COLQ: variants seen among roughly 807,000 people sequenced by gnomAD.
COLQ encodes the protein acetylcholinesterase collagenic tail peptide.
In COLQ, 48 loss-of-function variants were observed where a neutral mutation model predicts 69.0. The ratio of observed to expected loss-of-function variants is 0.70; its 90% CI spans 0.55 to 0.88. The LOEUF (loss-of-function observed/expected upper bound fraction) is 0.88. Ranked by LOEUF, COLQ falls within the 40% of genes least tolerant of loss-of-function variation. The pLI is 0.00. For missense variants in COLQ, 618 were observed against 594.6 expected, an observed-to-expected ratio of 1.04 and a Z score of -0.41; for synonymous variants, 217 against 211.2, an observed-to-expected ratio of 1.03 and a Z score of -0.24.
chr3:15,505,940 A>AC lies in COLQ; in HGVS notation c.106+15579dup, dbSNP rs200872766. ...TTCCTTTCCCTAGATCCATCCCTGC[A>AC]CCCCCCATCCCACCTCCAGGATCTA... On this transcript the variant is annotated intron_variant, in intron 1 of 16. Transcript: ENST00000383788. 7.7e-3 allele frequency among the ~76,000 whole-genome samples: 1,164 copies of AC among 151,742 alleles called. 21 individuals are homozygous for AC. The highest frequency in any genetic ancestry group is 0.026 in the African/African-American group (1,071 of 41,342).
At chr3:15,489,381 A>G (rs578027055) in intron 2 of COLQ, 144 bp downstream of exon 2, 2 of 762,428 alleles carry the variant, frequency 2.6e-6, no homozygotes, top group South Asian at 1.5e-5. Flanking sequence ...CCGGGGCTCA[A>G]CTTCTGGGTG....
rs534619567 is a variant in COLQ, at chr3:15,497,429, C to T, written c.107-7792G>A. 5.3e-5 allele frequency among the ~76,000 whole-genome samples: 8 copies of T among 152,304 alleles called. No individual in the cohort carries two copies. The East Asian group carries it at 7.7e-4, about 15-fold the overall frequency. ...CTACCCTCTTGCAAGGCCAGCCCCA[C>T]AATAGGTTACTGGAAATAGCCATTT... On this transcript the variant is annotated intron_variant, in intron 1 of 16. Transcript: ENST00000383788.
At chr3:15,479,235 GCACATGTTTGGAAAT>G in intron 4 of COLQ, 88 bp downstream of exon 4, 3 of 1,300,652 alleles carry the variant, frequency 2.3e-6, no homozygotes, top group Non-Finnish European at 3.4e-6. Flanking sequence ...GGCAGAGTTA[GCACATGTTTGGAAAT>G]CTCAACTAGG....
chr3:15,459,770 C>T (rs936555229), intron 12 of COLQ, among the ~76,000 whole-genome samples: 8 of 150,882 alleles, frequency 5.3e-5, no homozygotes, highest in African/African-American at 9.8e-5. Context: ...TGAGCTGCCG[C>T]GCCTGGTCAG....
In COLQ at chr3:15,478,788, T is replaced by A. The variant is rs183145868; in HGVS notation, c.393+189A>T. On this transcript the variant is annotated intron_variant, in intron 5 of 16. Coordinates refer to ENST00000383788, the MANE Select transcript of COLQ (RefSeq NM_005677.4). ...ATGCCTGGCAGTAGCAGGCTCCTGC[T>A]CCTGAACAAAGAAGTTGACAGAAAG... is the stretch of plus-strand genomic sequence containing the variant. 5.7e-4 allele frequency: 412 copies of A among 717,614 alleles called. 3 individuals are homozygous for A. The East Asian group carries it at 0.011, about 18-fold the overall frequency. 44.5% of individuals were successfully genotyped at this position (717,614 alleles called of 1,614,324 possible).
In COLQ at chr3:15,479,007, T is replaced by C; in HGVS notation, c.367-4A>G. ...TTCCTGGTCGGCCAAGCTCCCCCTA[T>C]GGATGGAGAAGACAGGTAAGGAGAG... On this transcript the variant is annotated splice_region_variant and splice_polypyrimidine_tract_variant and intron_variant, in intron 4 of 16. Coordinates refer to ENST00000383788, the MANE Select transcript of COLQ (RefSeq NM_005677.4). 2 of 1,614,076 alleles carry C rather than the reference T, an allele frequency of 1.2e-6. No homozygotes were observed. Among genetic ancestry groups the C allele is most frequent in the East Asian group, 2.2e-5 (1 of 44,882 alleles).
chr3:15,478,523 G>A (rs1363807821), intron 5 of COLQ: 4 of 236,314 alleles, frequency 1.7e-5, no homozygotes, highest in East Asian at 1.0e-4. Context: ...CAGAGTCACC[G>A]TGACCTTAAG....
intron 11 of COLQ, chr3:15,467,750 C>T (rs1229316955): frequency 2.4e-6 from 1 of 413,872 alleles, no homozygotes; most frequent in African/African-American, 2.0e-5. Context: ...ACACTTGCGC[C>T]TTGGCAGGCT....
chr3:15,514,741 A>G lies in COLQ; in HGVS notation c.106+6779T>C, dbSNP rs562043592. Among the ~76,000 whole-genome samples, 3 of 152,164 alleles carry G rather than the reference A, an allele frequency of 2.0e-5. No individual in the cohort carries two copies. In the South Asian group the frequency reaches 6.2e-4, roughly 32 times the overall value. ...CAGGGCTCCTGGTCCCAGAGACCAG[A>G]GTCACATGCCCAGAGGGGGCTAGAG... On this transcript the variant is annotated intron_variant, in intron 1 of 16. Transcript: ENST00000383788.
chr3:15,518,915 T>C (rs1254034184), intron 1 of COLQ, among the ~76,000 whole-genome samples: 3 of 152,220 alleles, frequency 2.0e-5, no homozygotes, highest in Non-Finnish European at 4.4e-5. Context: ...TGGTTGCCCT[T>C]ATTTTCTGTG....
At chr3:15,485,722 C>T (rs111277368) in intron 3 of COLQ, among the ~76,000 whole-genome samples, 13 of 152,256 alleles carry the variant, frequency 8.5e-5, no homozygotes, top group African/African-American at 3.1e-4. Context: ...CTTTGGGAGG[C>T]CAATGTGGGA....
chr3:15,484,181 G>A (rs533183080), intron 3 of COLQ, among the ~76,000 whole-genome samples: 8 of 107,718 alleles, frequency 7.4e-5, no homozygotes, highest in Admixed American at 2.3e-4. Flanking sequence ...GCCAGTCTGT[G>A]TTTTTTAACT....
At chr3:15,456,365 C>T (rs1038736084) in intron 14 of COLQ, 95 bp downstream of exon 14, 4 of 1,554,868 alleles carry the variant, frequency 2.6e-6, no homozygotes, top group Non-Finnish European at 3.5e-6. Context: ...GTAGAAAGCC[C>T]TCCCCAGGCC....
rs1414258523 is a variant in COLQ at position 15,453,836 on chromosome 3, G to A, written c.1291C>T (p.Leu431Phe). The part of the protein sequence containing the change: ...DFGYLTCETY[L>F]PGSYGDLQCT... ...GAGGGGAGTCATCCCTACCCAGGGA[G>A]ATAGGTCTCGCATGTCAGGTAGCCA... The change falls in exon 16 of 17, where the codon CTC becomes TTC. Residue 431 changes from leucine to phenylalanine, a missense_variant. By Grantham distance (22) the Leu-to-Phe change is conservative. Transcript: ENST00000383788. 1 of 1,607,904 alleles carries A rather than the reference G, an allele frequency of 6.2e-7. No individual in the cohort carries two copies. The highest frequency in any genetic ancestry group is 1.7e-5 in the Admixed American group (1 of 59,696).
At chr3:15,463,819 C>T (rs1479871263) in intron 12 of COLQ, among the ~76,000 whole-genome samples, 2 of 152,144 alleles carry the variant, frequency 1.3e-5, no homozygotes, top group Non-Finnish European at 2.9e-5. Flanking sequence ...TGAAAGGACC[C>T]CCATTCAGAT....
At chr3:15,470,670 C>G in intron 10 of COLQ, 54 bp from the exon 11 acceptor site, 3 of 1,510,674 alleles carry the variant, frequency 2.0e-6, no homozygotes, top group Non-Finnish European at 2.8e-6. Flanking sequence ...GGAGTGGGCA[C>G]ATCTACACAG....
At chr3:15,502,602 C>CG (rs1244408064) in intron 1 of COLQ, among the ~76,000 whole-genome samples, 4 of 152,058 alleles carry the variant, frequency 2.6e-5, no homozygotes, top group Admixed American at 2.0e-4. Flanking sequence ...TTAGTAGAGA[C>CG]GGGGTCTCAC....
Position 15,466,348 on chromosome 3 carries a change from T to TG in COLQ, c.806dup (p.Pro270ThrfsTer32). 1 of 1,612,982 alleles carries TG rather than the reference T, an allele frequency of 6.2e-7. No homozygotes were observed. The highest frequency in any genetic ancestry group is 8.5e-7 in the Non-Finnish European group (1 of 1,179,130). ...AAGCAGTGTAGCTCTTACCTGCAGG[T>TG]GGGGGGCCTGGGGGCCCCGGACGGC... On this transcript the variant is annotated frameshift_variant, in exon 12 of 17. Coordinates refer to ENST00000383788, the MANE Select transcript of COLQ (RefSeq NM_005677.4). LOFTEE classifies it high-confidence loss of function.
In COLQ at chr3:15,478,978, T is replaced by G; in HGVS notation, c.392A>C (p.Lys131Thr). 1 of 1,614,192 alleles carries G rather than the reference T, an allele frequency of 6.2e-7. No individual in the cohort carries two copies. Among genetic ancestry groups the G allele is most frequent in the South Asian group, 1.1e-5 (1 of 91,080 alleles). The change falls in exon 5 of 17, where the codon AAG becomes ACG. Residue 131 changes from lysine to threonine, a missense_variant and splice_region_variant. By Grantham distance (78) the Lys-to-Thr change is moderately conservative. Transcript: ENST00000383788. ...EKGELGRPGR[K>T]GRPGPPGVPG... ...CTCACAGAACAGCGCAGACCATACCTTCCTTCCTGGTCGGCCAAGCTCCCC... is the reference window on the plus strand; with the variant it reads ...CTCACAGAACAGCGCAGACCATACCGTCCTTCCTGGTCGGCCAAGCTCCCC...
Sources: gnomAD v4.1 joint callset for allele counts (sites outside exome capture counted in the v4.1 genomes callset) on GRCh38, gnomAD v4.1.1 for gene constraint, MANE v1.5 for transcripts, NCBI Gene and HGNC (gene_info 2026-07-23, HGNC 2026-07-21) for gene names.